GSTK1: variants seen among roughly 807,000 people sequenced by gnomAD.
GSTK1 encodes glutathione S-transferase kappa 1.
A neutral mutation model predicts 30.9 loss-of-function variants in GSTK1; 25 were observed. The observed-to-expected ratio is 0.81, with a 90% confidence interval of 0.59 to 1.13. The LOEUF (loss-of-function observed/expected upper bound fraction) is 1.13. Among genes scored for constraint, GSTK1 ranks in the 50% most tolerant of loss-of-function variants. GSTK1 has a pLI of 0.00. For missense variants in GSTK1, 292 were observed against 292.4 expected (o/e 1.00, Z 0.01); for synonymous variants, 108 against 112.5 (o/e 0.96, Z 0.25).
rs562742677 is a variant in GSTK1, at chr7:143,264,894, C to T, written c.284-98C>T. On this transcript the variant is annotated intron_variant, in intron 3 of 7. Coordinates refer to ENST00000358406, the MANE Select transcript of GSTK1 (RefSeq NM_015917.3). ...GGAACCTTGGGTGAGAGGCTGAGGG[C>T]GGAGGAGCTCTGGGGGATGTCAGAA... 196 of 1,367,338 alleles carry T rather than the reference C, an allele frequency of 1.4e-4. No homozygotes were observed. The African/African-American group carries it at 2.0e-3, about 14-fold the overall frequency. The allele number at this position is 1,367,338 out of a possible 1,614,324, so 84.7% of individuals were successfully genotyped here.
chr7:143,264,753 G>A (rs1800821238), intron 3 of GSTK1, 77 bp downstream of exon 3: 2 of 1,569,766 alleles, frequency 1.3e-6, no homozygotes, highest in East Asian at 4.5e-5. Context: ...ATAGGATGGA[G>A]GGGCTGCGGG....
Position 143,269,035 on chromosome 7 carries a change from C to T in GSTK1, c.*198C>T. 1 of 603,770 alleles carries T rather than the reference C, an allele frequency of 1.7e-6. No individual in the cohort carries two copies. 37.4% of individuals were successfully genotyped at this position (603,770 alleles called of 1,614,324 possible). A position where few individuals can be genotyped will look rare whatever the true frequency, so the allele number is the denominator to read the frequency against. On this transcript the variant is annotated 3_prime_UTR_variant, in exon 8 of 8. Transcript: ENST00000358406. The stretch of plus-strand genomic sequence containing the variant: ...ACCATTAGCCATGTGGCAACCTTTA[C>T]TTCTATGCCTCACAAGTGCCTTTCA...
At chr7:143,266,787 A>C (rs909410986) in intron 5 of GSTK1, among the ~76,000 whole-genome samples, 1 of 148,844 alleles carries the variant, frequency 6.7e-6, no homozygotes, top group African/African-American at 2.5e-5. Context: ...CAGCCTTACG[A>C]GTAGCTGGGA....
At position 143,269,115 on chromosome 7, in the gene GSTK1, A is replaced by G; in HGVS notation, c.*278A>G. 1 of 478,858 alleles carries G rather than the reference A, an allele frequency of 2.1e-6. No homozygotes were observed. The highest frequency in any genetic ancestry group is 2.1e-5 in the South Asian group (1 of 47,014). The allele number at this position is 478,858 out of a possible 1,614,324, so 29.7% of individuals were successfully genotyped here. A position where few individuals can be genotyped will look rare whatever the true frequency, so the allele number is the denominator to read the frequency against. On this transcript the variant is annotated 3_prime_UTR_variant, in exon 8 of 8. Transcript: ENST00000358406. ...TAAACCTAATGCCATCAGGCAAAACATTTCTGTGTCTGTATCTGCCCTGGT... is the reference window on the plus strand; with the variant it reads ...TAAACCTAATGCCATCAGGCAAAACGTTTCTGTGTCTGTATCTGCCCTGGT...
Position 143,268,050 on chromosome 7 carries a change from C to T in GSTK1, c.538-41C>T, listed in dbSNP as rs1800931268. The stretch of plus-strand genomic sequence containing the variant: ...GGTTTCAACCCCTGCCTAATACCTG[C>T]TCCTTTGCCTTCCTCCTTGCATTGT... On this transcript the variant is annotated intron_variant, in intron 6 of 7. Transcript: ENST00000358406. The surrounding 1 kb of genome is among the most constrained non-coding windows in gnomAD (Gnocchi z 4.1). The T allele has an allele frequency of 2.0e-6, 3 of 1,479,030 alleles. No individual in the cohort carries two copies. The highest frequency in any genetic ancestry group is 2.3e-5 in the South Asian group (2 of 86,256). The allele number at this position is 1,479,030 out of a possible 1,614,324, so 91.6% of individuals were successfully genotyped here.
chr7:143,263,970 A>G, intron 1 of GSTK1, 116 bp from the exon 2 acceptor site: 1 of 846,886 alleles, frequency 1.2e-6, no homozygotes, highest in Non-Finnish European at 1.9e-6. Context: ...CAAACCAAAC[A>G]ATGTAGGGTG....
rs753526449 is a variant in GSTK1, at chr7:143,265,065, G to C, written c.357G>C (p.Arg119=). 4 of 1,614,118 alleles carry C rather than the reference G, an allele frequency of 2.5e-6. No homozygotes were observed. The South Asian group carries it at 4.4e-5, about 18-fold the overall frequency. The change falls in exon 4 of 8, where the codon CGG becomes CGC. Residue 119 remains arginine, a synonymous_variant. Coordinates refer to ENST00000358406, the MANE Select transcript of GSTK1 (RefSeq NM_015917.3). ...EHPEMLEKAS[R]ELWMRVWSRN... is the part of the protein sequence containing the mutation. ...CAGAGATGCTGGAGAAAGCGTCCCG[G>C]GAGCTGTGGATGCGCGTCTGGTCAA...
In GSTK1 at chr7:143,264,531, C is replaced by G. The variant is rs1364624460; in HGVS notation, c.155-17C>G. On this transcript the variant is annotated splice_polypyrimidine_tract_variant and intron_variant, in intron 2 of 7. Transcript: ENST00000358406. ...TAGGTCTTTTCTCACTTAGCGTGCC[C>G]AACCTTCTCCTGGCAGGAAACAAGC... The G allele has an allele frequency of 3.1e-6, 5 of 1,613,736 alleles. No individual in the cohort carries two copies. Among genetic ancestry groups the G allele is most frequent in the Non-Finnish European group, 4.2e-6 (5 of 1,179,820 alleles).
chr7:143,264,035 T>C, intron 1 of GSTK1, 51 bp from the exon 2 acceptor site: 1 of 1,548,082 alleles, frequency 6.5e-7, no homozygotes, highest in Non-Finnish European at 8.9e-7. Context: ...CCTCGGCTCT[T>C]TCACTTTTCC....
chr7:143,267,500 G>A (rs1800915766), intron 5 of GSTK1, 117 bp from the exon 6 acceptor site: 1 of 746,684 alleles, frequency 1.3e-6, no homozygotes. Context: ...CTTGTGGGTG[G>A]GTAAGGGCAT....
rs1800815084 is a variant in GSTK1, at chr7:143,264,566, T to A, written c.173T>A (p.Leu58Gln). The A allele has an allele frequency of 1.2e-6, 2 of 1,614,022 alleles. No homozygotes were observed. The highest frequency in any genetic ancestry group is 2.2e-5 in the East Asian group (1 of 44,876). The change falls in exon 3 of 8, where the codon CTG (leucine) becomes CAG (glutamine). Residue 58 changes from leucine (L) to glutamine (Q), a missense_variant. Physicochemically the swap from Leu to Gln is moderately radical, Grantham distance 113 (BLOSUM62 -2). Coordinates refer to ENST00000358406, the MANE Select transcript of GSTK1 (RefSeq NM_015917.3). ...MKDSGNKPPG[L>Q]LPRKGLYMAN... ...CTGGCAGGAAACAAGCCTCCAGGTC[T>A]GCTTCCCCGCAAAGGACTATACATG...
In GSTK1 at chr7:143,268,156, C is replaced by G; in HGVS notation, c.603C>G (p.Asp201Glu). ...AAACCCACATGTTATTTGGCTCTGA[C>G]CGGATGGAGCTGCTGGCGCACCTGC... is the stretch of plus-strand genomic sequence containing the variant. Reference protein sequence around the residue: ...DGQTHMLFGSDRMELLAHLLG... With the variant: ...DGQTHMLFGSERMELLAHLLG... Residue 201 changes from aspartate (D) to glutamate (E), a missense_variant, in exon 7 of 8, where the codon GAC becomes GAG. Physicochemically the swap from Asp to Glu is conservative, Grantham distance 45. Transcript: ENST00000358406. This position sits in a 1 kb window ranked among gnomAD's most constrained non-coding sequence, Gnocchi z 4.1. 1 of 1,614,060 alleles carries G rather than the reference C, an allele frequency of 6.2e-7. No homozygotes were observed. The highest frequency in any genetic ancestry group is 1.1e-5 in the South Asian group (1 of 91,078).
Position 143,268,774 on chromosome 7 carries a change from T to C in GSTK1, c.632-14T>C. 6.2e-7 allele frequency: 1 copy of C among 1,613,510 alleles called. No individual in the cohort carries two copies. On this transcript the variant is annotated splice_polypyrimidine_tract_variant and intron_variant, in intron 7 of 7. Coordinates refer to ENST00000358406, the MANE Select transcript of GSTK1 (RefSeq NM_015917.3). This position sits in a 1 kb window ranked among gnomAD's most constrained non-coding sequence, Gnocchi z 4.1. ...TGAGAACAGTGTGCAGAGTCTGTTG[T>C]TTTCTTCATCCAGGAGAGAAGTGGA...
At chr7:143,264,321 T>C (rs1402075272) in intron 2 of GSTK1, 154 bp downstream of exon 2, 1 of 767,992 alleles carries the variant, frequency 1.3e-6, no homozygotes, top group East Asian at 2.6e-5. Flanking sequence ...TGCATGCCTG[T>C]ATACCACAGC....
At chr7:143,264,708 A>G (rs1156727007) in intron 3 of GSTK1, 32 bp downstream of exon 3, 2 of 1,613,032 alleles carry the variant, frequency 1.2e-6, no homozygotes, top group Admixed American at 3.3e-5. Flanking sequence ...CAGGGTATCC[A>G]GTGAAAAACA....
intron 2 of GSTK1, 133 bp from the exon 3 acceptor site, chr7:143,264,411 TCCAG>T (rs892505701): frequency 1.0e-6 from 1 of 962,096 alleles, no homozygotes; most frequent in African/African-American, 1.6e-5. Context: ...ACCATTGCAC[TCCAG>T]CCTGGGCAAC....
chr7:143,267,708 C>A lies in GSTK1; in HGVS notation c.512C>A (p.Thr171Asn), dbSNP rs1800921842. Residue 171 changes from threonine to asparagine, a missense_variant, in exon 6 of 8, where the codon ACC becomes AAC. Transcript: ENST00000358406. Reference protein sequence around the residue: ...TPKVKNQLKETTEAACRYGAF... With the variant: ...TPKVKNQLKENTEAACRYGAF... Reference sequence around the variant, plus strand: ...AAGGTGAAGAACCAGCTCAAGGAGACCACTGAGGCAGCCTGCAGATACGGA... The same window carrying A: ...AAGGTGAAGAACCAGCTCAAGGAGAACACTGAGGCAGCCTGCAGATACGGA... The A allele has an allele frequency of 1.2e-6, 2 of 1,613,350 alleles. No individual in the cohort carries two copies. Among genetic ancestry groups the A allele is most frequent in the Admixed American group, 3.3e-5 (2 of 59,996 alleles).
rs201828388 is a variant in GSTK1 at position 143,263,480 on chromosome 7, C to G, written c.-34C>G. ...CTCTGCCGGGTTCCGGGAAAAGGAG[C>G]TCCTGCTGCCACTGCTCTTCCGGAG... On this transcript the variant is annotated 5_prime_UTR_variant, in exon 1 of 8. Coordinates refer to ENST00000358406, the MANE Select transcript of GSTK1 (RefSeq NM_015917.3). 1.3e-6 allele frequency: 2 copies of G among 1,596,680 alleles called. No individual in the cohort carries two copies. Among genetic ancestry groups the G allele is most frequent in the South Asian group, 1.1e-5 (1 of 90,884 alleles).
Position 143,264,186 on chromosome 7 carries a change from G to T in GSTK1, c.154+19G>T. The T allele has an allele frequency of 6.2e-7, 1 of 1,608,782 alleles. No homozygotes were observed. The highest frequency in any genetic ancestry group is 1.1e-5 in the South Asian group (1 of 90,936). On this transcript the variant is annotated intron_variant, in intron 2 of 7. Coordinates refer to ENST00000358406, the MANE Select transcript of GSTK1 (RefSeq NM_015917.3). ...GACAGTGGTAGGAAGGGAGGGTCGG[G>T]GCAGGGGTGATCTCAGTGGCCCAAG...
Sources: allele counts gnomAD v4.1 joint callset (sites outside exome capture counted in the v4.1 genomes callset), GRCh38; gene constraint gnomAD v4.1.1; non-coding constraint Gnocchi (gnomAD v3.1); transcripts MANE v1.5; gene names NCBI Gene and HGNC (gene_info 2026-07-23, HGNC 2026-07-21).